ERC2: variants seen among roughly 807,000 people sequenced by gnomAD.
ERC2 encodes the protein ERC protein 2.
Under a neutral mutation model 114.8 loss-of-function variants are expected in ERC2, and 42 were observed. That is an observed-to-expected ratio of 0.37 (90% CI 0.29 to 0.47). ERC2 has a LOEUF of 0.47. Ranked by LOEUF, ERC2 falls within the 20% of genes least tolerant of loss-of-function variation. The pLI, the probability that ERC2 is intolerant of heterozygous loss-of-function variation, is 0.99. For synonymous variants in ERC2, 454 were observed against 425.5 expected (o/e 1.07, Z -0.82); for missense variants, 939 against 1,150.7 (o/e 0.82, Z 2.66).
intron 17 of ERC2, among the ~76,000 whole-genome samples, chr3:55,584,766 G>A (rs540434853): frequency 1.3e-5 from 2 of 152,298 alleles, no homozygotes; most frequent in Middle Eastern, 6.8e-3. Context: ...AAGACAGAGA[G>A]TGGCACCTCC....
intron 14 of ERC2, among the ~76,000 whole-genome samples, chr3:55,748,693 T>C (rs773849533): frequency 1.3e-5 from 2 of 152,192 alleles, no homozygotes; most frequent in Admixed American, 1.3e-4. Context: ...TATCAAATAC[T>C]AGGATAATCA....
At chr3:55,580,232 T>TA (rs2057190560) in intron 17 of ERC2, among the ~76,000 whole-genome samples, 3 of 83,516 alleles carry the variant, frequency 3.6e-5, no homozygotes, top group South Asian at 4.0e-4. Flanking sequence ...AGGAAGCATA[T>TA]TTTTTTTTTT....
At chr3:55,514,721 A>T (rs950135150) in intron 17 of ERC2, among the ~76,000 whole-genome samples, 7 of 152,218 alleles carry the variant, frequency 4.6e-5, no homozygotes, top group African/African-American at 1.2e-4. Flanking sequence ...AAAAACCCGA[A>T]GGAGCTTGAA....
At chr3:56,296,526 A>T in intron 2 of ERC2, 91 bp from the exon 3 acceptor site, 1 of 1,352,228 alleles carries the variant, frequency 7.4e-7, no homozygotes. Context: ...CACACTATGA[A>T]GATGGAATGT....
chr3:55,913,675 G>T (rs1370147913), intron 13 of ERC2, among the ~76,000 whole-genome samples: 5 of 152,114 alleles, frequency 3.3e-5, no homozygotes, highest in African/African-American at 1.2e-4. Context: ...GGAGAATTTT[G>T]ATCTATGGGA....
chr3:55,919,415 C>T (rs140796369), intron 13 of ERC2, among the ~76,000 whole-genome samples: 23 of 152,164 alleles, frequency 1.5e-4, no homozygotes, highest in East Asian at 1.2e-3. Context: ...GCCAATGGAG[C>T]GCTATGCAGC....
At chr3:56,167,399 C>A (rs1403236372) in intron 4 of ERC2, among the ~76,000 whole-genome samples, 1 of 151,930 alleles carries the variant, frequency 6.6e-6, no homozygotes, top group African/African-American at 2.4e-5. Context: ...TATTGACTGG[C>A]AACATTTAGT....
intron 17 of ERC2, among the ~76,000 whole-genome samples, chr3:55,541,124 A>G (rs1387701553): frequency 6.6e-6 from 1 of 152,252 alleles, no homozygotes; most frequent in Non-Finnish European, 1.5e-5. Context: ...CTGAAATGCT[A>G]TCTGAGAAAA....
intron 10 of ERC2, among the ~76,000 whole-genome samples, chr3:56,002,070 A>C (rs773982769): frequency 5.3e-5 from 8 of 152,150 alleles, no homozygotes; most frequent in Non-Finnish European, 7.4e-5. Flanking sequence ...AGAGGTTAAC[A>C]AAGATGCTCC....
chr3:55,687,838 T>C (rs529779084), intron 16 of ERC2, among the ~76,000 whole-genome samples: 22 of 152,336 alleles, frequency 1.4e-4, no homozygotes, highest in African/African-American at 5.0e-4. Flanking sequence ...ACTGCAGGCT[T>C]GGCCAGAGCC....
chr3:55,517,044 T>C (rs1359726511), intron 17 of ERC2, among the ~76,000 whole-genome samples: 1 of 152,244 alleles, frequency 6.6e-6, no homozygotes, highest in African/African-American at 2.4e-5. Flanking sequence ...CACTGCCTCC[T>C]TGAGGCAAGC....
chr3:55,671,813 A>T (rs901108732), intron 17 of ERC2, among the ~76,000 whole-genome samples: 1 of 152,124 alleles, frequency 6.6e-6, no homozygotes, highest in Non-Finnish European at 1.5e-5. Context: ...GTCAGGCTGC[A>T]GCAAAACTTT....
At chr3:56,399,421 A>C (rs73075888) in intron 2 of ERC2, among the ~76,000 whole-genome samples, 5,240 of 152,294 alleles carry the variant, frequency 0.034, 190 homozygotes, top group African/African-American at 0.079. Context: ...ACTTCATAGT[A>C]GTTGATAATG....
At chr3:56,126,814 A>AGGAAAGGAAAGGAAT (rs1185672379) in intron 6 of ERC2, among the ~76,000 whole-genome samples, 11 of 146,844 alleles carry the variant, frequency 7.5e-5, no homozygotes, top group African/African-American at 2.8e-4. Flanking sequence ...AGGGAAGGAA[A>AGGAAAGGAAAGGAAT]GGAAAGGAAA....
chr3:55,597,494 A>T (rs1045483010), intron 17 of ERC2, among the ~76,000 whole-genome samples: 6 of 151,984 alleles, frequency 3.9e-5, no homozygotes, highest in African/African-American at 1.5e-4. Context: ...AGCCTAGAAA[A>T]TAGTCCTCAT....
At chr3:56,350,646 G>C (rs919816278) in intron 2 of ERC2, among the ~76,000 whole-genome samples, 9 of 152,144 alleles carry the variant, frequency 5.9e-5, no homozygotes, top group African/African-American at 2.2e-4. Flanking sequence ...GAGTCCATGA[G>C]CCCATTGCTC....
intron 17 of ERC2, among the ~76,000 whole-genome samples, chr3:55,664,426 C>T (rs554038399): frequency 1.3e-5 from 2 of 152,282 alleles, no homozygotes; most frequent in South Asian, 2.1e-4. Context: ...ACATTCTGTT[C>T]GCAAATGCGC....
intron 14 of ERC2, among the ~76,000 whole-genome samples, chr3:55,834,764 G>A (rs1380206790): frequency 2.4e-5 from 3 of 127,602 alleles, no homozygotes; most frequent in South Asian, 2.6e-4. Flanking sequence ...TAAACTCACA[G>A]CAGAACTGAA....
intron 16 of ERC2, among the ~76,000 whole-genome samples, chr3:55,689,797 C>CAA (rs1318877326): frequency 2.3e-5 from 2 of 86,414 alleles, no homozygotes; most frequent in African/African-American, 4.3e-5. Context: ...GACTCCGTCT[C>CAA]AAAAAAAAAA....
Sources: allele counts gnomAD v4.1 joint callset (sites outside exome capture counted in the v4.1 genomes callset), GRCh38; gene constraint gnomAD v4.1.1; transcripts MANE v1.5; gene names NCBI Gene and HGNC (gene_info 2026-07-23, HGNC 2026-07-21).